Variants in KDM7A observed in about 807,000 individuals in gnomAD.
The protein encoded by KDM7A is lysine-specific demethylase 7A.
KDM7A carries 28 observed loss-of-function variants against 114.8 expected under a neutral mutation model. The observed-to-expected ratio is 0.24, with a 90% confidence interval of 0.18 to 0.33. The LOEUF (loss-of-function observed/expected upper bound fraction) is 0.33. KDM7A is among the 10% of genes least tolerant of loss of function. The pLI, the probability that KDM7A is intolerant of heterozygous loss-of-function variation, is 1.00. For synonymous variants in KDM7A, 423 were observed against 397.8 expected, an observed-to-expected ratio of 1.06 and a Z score of -0.75; for missense variants, 942 against 1,142.5, an observed-to-expected ratio of 0.82 and a Z score of 2.53.
chr7:140,159,383 A>T (rs1400088595), intron 1 of KDM7A, among the ~76,000 whole-genome samples: 1 of 150,484 alleles, frequency 6.6e-6, no homozygotes, highest in East Asian at 2.0e-4. Context: ...AAAATAAAGG[A>T]TATATGCGTA....
intron 1 of KDM7A, among the ~76,000 whole-genome samples, chr7:140,140,067 T>C (rs1794245527): frequency 6.6e-6 from 1 of 152,100 alleles, no homozygotes. Flanking sequence ...AAGAAATAAA[T>C]AAATCTAATA....
At chr7:140,139,299 A>C in intron 1 of KDM7A, 109 bp from the exon 2 acceptor site, 1 of 693,310 alleles carries the variant, frequency 1.4e-6, no homozygotes, top group Non-Finnish European at 2.6e-6. Context: ...CCTCACCAAC[A>C]CATTTTTGTA....
intron 1 of KDM7A, among the ~76,000 whole-genome samples, chr7:140,143,892 AGAAAGCAAAAGGT>A (rs1342418953): frequency 6.6e-6 from 1 of 152,228 alleles, no homozygotes; most frequent in African/African-American, 2.4e-5. Flanking sequence ...CTTTTCCCAT[AGAAAGCAAAAGGT>A]GAATATGCTA....
At chr7:140,139,503 T>C (rs1311822278) in intron 1 of KDM7A, among the ~76,000 whole-genome samples, 5 of 152,084 alleles carry the variant, frequency 3.3e-5, no homozygotes, top group Non-Finnish European at 7.4e-5. Context: ...GTCAATAAAA[T>C]GAATCAAAAG....
At chr7:140,115,001 G>A (rs1354986198) in intron 9 of KDM7A, among the ~76,000 whole-genome samples, 1 of 151,870 alleles carries the variant, frequency 6.6e-6, no homozygotes, top group Admixed American at 6.6e-5. Context: ...GAAGTGAGGA[G>A]CGTCTCTGCC....
chr7:140,120,011 G>C (rs1219385867), intron 8 of KDM7A, among the ~76,000 whole-genome samples: 2 of 152,168 alleles, frequency 1.3e-5, no homozygotes, highest in East Asian at 3.9e-4. Flanking sequence ...TTCTCATATA[G>C]AGGAGAAACA....
chr7:140,156,290 A>C lies in KDM7A; in HGVS notation c.195-17100T>G, dbSNP rs552461210. Among the ~76,000 whole-genome samples, 16 of 152,322 alleles carry C rather than the reference A, an allele frequency of 1.1e-4. 1 individual carries two copies. In the South Asian group the frequency reaches 3.1e-3, roughly 30 times the overall value. ...TGTTCACAATACATTTTGCACACAG[A>C]CATAGGTAAATGAAATCACATAATT... On this transcript the variant is annotated intron_variant, in intron 1 of 19. Coordinates refer to ENST00000397560, the MANE Select transcript of KDM7A (RefSeq NM_030647.2).
chr7:140,151,458 GA>G (rs1262703011), intron 1 of KDM7A, among the ~76,000 whole-genome samples: 1 of 152,282 alleles, frequency 6.6e-6, no homozygotes, highest in East Asian at 1.9e-4. Context: ...TACCATCTTG[GA>G]GCCCGTTTAA....
At chr7:140,139,540 GATA>G (rs1411614215) in intron 1 of KDM7A, among the ~76,000 whole-genome samples, 2 of 151,946 alleles carry the variant, frequency 1.3e-5, no homozygotes, top group African/African-American at 2.4e-5. Flanking sequence ...TGTGAACAAT[GATA>G]ATACAATATG....
chr7:140,168,684 CTT>C (rs1230304951), intron 1 of KDM7A, among the ~76,000 whole-genome samples: 5 of 151,906 alleles, frequency 3.3e-5, no homozygotes, highest in Non-Finnish European at 7.4e-5. Flanking sequence ...ACCTAAGTAA[CTT>C]TGGAAAACAA....
intron 11 of KDM7A, 69 bp from the exon 12 acceptor site, chr7:140,102,229 C>G: frequency 1.8e-6 from 2 of 1,113,788 alleles, no homozygotes; most frequent in South Asian, 1.3e-5. Context: ...AAATAATCAT[C>G]CATAAAAATA....
rs973363672 is a variant in KDM7A at position 140,111,150 on chromosome 7, T to C, written c.1373A>G (p.Asn458Ser). 11 of 1,608,416 alleles carry C rather than the reference T, an allele frequency of 6.8e-6. No homozygotes were observed. Among genetic ancestry groups the C allele is most frequent in the African/African-American group, 2.7e-5 (2 of 74,852 alleles). ...VSEHAFEIPDNVRPGHLIKEL... is the reference protein window; with the variant it reads ...VSEHAFEIPDSVRPGHLIKEL... ...TTTAATAAGGTGTCCAGGTCTAACA[T>C]TGTCTGGAATTTCAAAGGCATGTTC... is the stretch of plus-strand genomic sequence containing the variant. Residue 458 changes from asparagine (N) to serine (S), a missense_variant, in exon 11 of 20, where the codon AAT (asparagine) becomes AGT (serine). By Grantham distance (46) the Asn-to-Ser change is conservative. Transcript: ENST00000397560.
intron 11 of KDM7A, among the ~76,000 whole-genome samples, chr7:140,109,509 CT>C: frequency 6.6e-6 from 1 of 152,172 alleles, no homozygotes; most frequent in Non-Finnish European, 1.5e-5. Context: ...CTTGGTCTAT[CT>C]TTTGGCTATT....
At chr7:140,174,664 G>A (rs896161785) in intron 1 of KDM7A, among the ~76,000 whole-genome samples, 12 of 152,014 alleles carry the variant, frequency 7.9e-5, no homozygotes, top group Non-Finnish European at 1.6e-4. Context: ...GCAGTGGCGC[G>A]ATCTCGGCTC....
rs899071585 is a variant in KDM7A, at chr7:140,094,405, C to T, written c.2375-267G>A. Among the ~76,000 whole-genome samples, 97 of 151,736 alleles carry T rather than the reference C, an allele frequency of 6.4e-4. 1 individual carries two copies. Among genetic ancestry groups the T allele is most frequent in the African/African-American group, 2.2e-3 (92 of 41,268 alleles). On this transcript the variant is annotated intron_variant, in intron 17 of 19. Coordinates refer to ENST00000397560, the MANE Select transcript of KDM7A (RefSeq NM_030647.2). The stretch of plus-strand genomic sequence containing the variant: ...CTGTAATCTCAGCTACTTGGGAGGC[C>T]GAGGCACGAGAATCACTTGAACCCG...
At position 140,088,598 on chromosome 7, in the gene KDM7A, T is replaced by C. The variant is rs1415647825; in HGVS notation, c.*2496A>G. The stretch of plus-strand genomic sequence containing the variant: ...GGATGCATTATGGCCAGTAATGTTA[T>C]AAGACGTTTGACCAGGAGTCACTGG... On this transcript the variant is annotated 3_prime_UTR_variant, in exon 20 of 20. Coordinates refer to ENST00000397560, the MANE Select transcript of KDM7A (RefSeq NM_030647.2). 5.0e-6 allele frequency: 2 copies of C among 397,866 alleles called. No individual in the cohort carries two copies. Among genetic ancestry groups the C allele is most frequent in the African/African-American group, 2.1e-5 (1 of 48,726 alleles). The allele number at this position is 397,866 out of a possible 1,614,324, so 24.6% of individuals were successfully genotyped here. A position where few individuals can be genotyped will look rare whatever the true frequency, so the allele number is the denominator to read the frequency against.
intron 1 of KDM7A, among the ~76,000 whole-genome samples, chr7:140,142,131 C>G (rs1794290462): frequency 6.8e-6 from 1 of 146,712 alleles, no homozygotes; most frequent in East Asian, 2.0e-4. Context: ...AAAATGTATT[C>G]CAAAGTAGAT....
chr7:140,115,070 C>T (rs1022148462), intron 9 of KDM7A, among the ~76,000 whole-genome samples: 3 of 151,014 alleles, frequency 2.0e-5, no homozygotes, highest in African/African-American at 4.9e-5. Context: ...CCGCCCCATC[C>T]GGGAGGGAGG....
chr7:140,166,335 C>CTTTT (rs746518929), intron 1 of KDM7A, among the ~76,000 whole-genome samples: 10 of 128,664 alleles, frequency 7.8e-5, no homozygotes, highest in African/African-American at 1.7e-4. Context: ...CTTTTTTTTC[C>CTTTT]TTTTTTTTTT....
Sources: allele counts gnomAD v4.1 joint callset (sites outside exome capture counted in the v4.1 genomes callset), GRCh38; gene constraint gnomAD v4.1.1; transcripts MANE v1.5; gene names NCBI Gene and HGNC (gene_info 2026-07-23, HGNC 2026-07-21).